Variants in SLC12A8 observed in about 807,000 individuals in gnomAD.
SLC12A8 encodes cation-chloride cotransporter 9.
Under a neutral mutation model 75.6 loss-of-function variants are expected in SLC12A8, and 69 were observed. That is an observed-to-expected ratio of 0.91 (90% CI 0.75 to 1.11). The LOEUF (loss-of-function observed/expected upper bound fraction) is 1.11. SLC12A8 is among the 50% of genes most tolerant of loss of function. SLC12A8 has a pLI of 0.00. For missense variants in SLC12A8, 877 were observed against 896.7 expected, an observed-to-expected ratio of 0.98 and a Z score of 0.28; for synonymous variants, 365 against 372.8, an observed-to-expected ratio of 0.98 and a Z score of 0.24.
At chr3:125,199,463 C>T (rs1270646104) in intron 2 of SLC12A8, among the ~76,000 whole-genome samples, 1 of 151,976 alleles carries the variant, frequency 6.6e-6, no homozygotes, top group Non-Finnish European at 1.5e-5. Context: ...GATGGTAGGC[C>T]TGGGGCAGTG....
chr3:125,114,169 C>T (rs1939251385), intron 8 of SLC12A8, among the ~76,000 whole-genome samples: 1 of 152,134 alleles, frequency 6.6e-6, no homozygotes, highest in Non-Finnish European at 1.5e-5. Flanking sequence ...AGCCATTTTC[C>T]ATAATGAGAC....
chr3:125,186,168 T>A (rs895314512), intron 4 of SLC12A8, among the ~76,000 whole-genome samples: 55 of 148,000 alleles, frequency 3.7e-4, no homozygotes, highest in African/African-American at 1.2e-3. Context: ...AAAAAAAAAA[T>A]TTATATACCA....
At position 125,193,606 on chromosome 3, in the gene SLC12A8, G is replaced by C. The variant is rs1485104015; in HGVS notation, c.52-3085C>G. 2.6e-5 allele frequency among the ~76,000 whole-genome samples: 4 copies of C among 152,198 alleles called. No homozygotes were observed. In the Middle Eastern group the frequency reaches 9.5e-3, roughly 361 times the overall value. Reference sequence around the variant, plus strand: ...CTGACAGGCTGAGGGGCAGGACCACGGTCTGCAGTACGGGCAGACATGTAA... The same window carrying C: ...CTGACAGGCTGAGGGGCAGGACCACCGTCTGCAGTACGGGCAGACATGTAA... On this transcript the variant is annotated intron_variant, in intron 2 of 13. Transcript: ENST00000469902.
intron 2 of SLC12A8, among the ~76,000 whole-genome samples, chr3:125,203,393 A>G (rs1935165524): frequency 6.6e-6 from 1 of 152,244 alleles, no homozygotes; most frequent in Non-Finnish European, 1.5e-5. Context: ...AAACAGACAC[A>G]TAAACCAAAG....
rs372031700 is a variant in SLC12A8, at chr3:125,155,603, C to T, written c.623-19821G>A. ...TGGCTAACACGGTGAAACCCTGTCT[C>T]TACTAAAAATACAAAAAAGTAGCTG... is the stretch of plus-strand genomic sequence containing the variant. On this transcript the variant is annotated intron_variant, in intron 5 of 13. Transcript: ENST00000469902. Among the ~76,000 whole-genome samples the T allele has an allele frequency of 2.1e-4, 9 of 43,002 alleles. No individual in the cohort carries two copies. The East Asian group carries it at 9.6e-3, about 46-fold the overall frequency. The allele number at this position is 43,002 out of a possible 152,430, so 28.2% of individuals were successfully genotyped here. A position where few individuals can be genotyped will look rare whatever the true frequency, so the allele number is the denominator to read the frequency against.
chr3:125,122,519 G>A (rs1384192366), intron 6 of SLC12A8, among the ~76,000 whole-genome samples: 2 of 152,200 alleles, frequency 1.3e-5, no homozygotes, highest in African/African-American at 4.8e-5. Flanking sequence ...TCCCATGAAT[G>A]TCTGGAACAT....
chr3:125,148,959 A>G lies in SLC12A8; in HGVS notation c.623-13177T>C, dbSNP rs78787303. Among the ~76,000 whole-genome samples the G allele has an allele frequency of 1.4e-4, 20 of 144,926 alleles. No homozygotes were observed. In the East Asian group the frequency reaches 4.0e-3, roughly 29 times the overall value. Reference sequence around the variant, plus strand: ...CTGCCACGTGCAGTGAGAGGAACACAAACCAGCAGCGGGGGGGCACAGGCA... The same window carrying G: ...CTGCCACGTGCAGTGAGAGGAACACGAACCAGCAGCGGGGGGGCACAGGCA... On this transcript the variant is annotated intron_variant, in intron 5 of 13. Transcript: ENST00000469902.
intron 2 of SLC12A8, 150 bp from the exon 3 acceptor site, chr3:125,190,671 ATG>A: frequency 1.3e-6 from 1 of 788,612 alleles, no homozygotes; most frequent in Non-Finnish European, 2.1e-6. Context: ...GTATACACAC[ATG>A]CATGCACATA....
intron 7 of SLC12A8, chr3:125,119,061 ATTGTT>A (rs984971532): frequency 8.6e-6 from 4 of 467,520 alleles, no homozygotes; most frequent in Non-Finnish European, 1.6e-5. Flanking sequence ...AAGGGGTACC[ATTGTT>A]TTGTTTCTTT....
chr3:125,152,859 G>A (rs778175521), intron 5 of SLC12A8, among the ~76,000 whole-genome samples: 5 of 152,094 alleles, frequency 3.3e-5, no homozygotes, highest in Admixed American at 1.3e-4. Flanking sequence ...TGTTTCATGA[G>A]GGCAGGGACC....
At chr3:125,121,029 C>T in intron 6 of SLC12A8, 1 of 613,804 alleles carries the variant, frequency 1.6e-6, no homozygotes, top group Non-Finnish European at 2.9e-6. Context: ...GGGACAATGC[C>T]CTGGAGAGGC....
Position 125,187,313 on chromosome 3 carries a change from C to G in SLC12A8, c.314G>C (p.Gly105Ala), listed in dbSNP as rs1181134006. The G allele has an allele frequency of 1.2e-6, 2 of 1,614,074 alleles. No individual in the cohort carries two copies. The highest frequency in any genetic ancestry group is 2.7e-5 in the African/African-American group (2 of 74,936). The change falls in exon 4 of 14, where the codon GGC becomes GCC. Residue 105 changes from glycine to alanine, a missense_variant. By Grantham distance (60) the Gly-to-Ala change is moderately conservative. Transcript: ENST00000469902. ...GACCGAGGAGATCATGGAGTAGACGCCACCGCTGCCGATGCTGCTGCGCTC... is the reference window on the plus strand; with the variant it reads ...GACCGAGGAGATCATGGAGTAGACGGCACCGCTGCCGATGCTGCTGCGCTC... ...VGERSSIGSG[G>A]VYSMISSVLG... is the part of the protein sequence containing the mutation.
rs1261681290 is a variant in SLC12A8 at position 125,088,389 on chromosome 3, C to T, written c.1922-19G>A. The T allele has an allele frequency of 1.9e-6, 3 of 1,613,772 alleles. No homozygotes were observed. Among genetic ancestry groups the T allele is most frequent in the East Asian group, 2.2e-5 (1 of 44,884 alleles). On this transcript the variant is annotated intron_variant, in intron 12 of 13. Transcript: ENST00000469902. ...GCTGATCCTGCAGGGAAGACATATA[C>T]ATAACCATTTTTGAAGGTTCTACAT...
At chr3:125,135,193 A>G (rs376925716) in intron 6 of SLC12A8, among the ~76,000 whole-genome samples, 327 of 152,306 alleles carry the variant, frequency 2.1e-3, no homozygotes, top group African/African-American at 7.5e-3. Flanking sequence ...ACAAAAGACA[A>G]TAGTGTTTCT....
chr3:125,185,683 C>A (rs779257406), intron 4 of SLC12A8, among the ~76,000 whole-genome samples: 13 of 152,124 alleles, frequency 8.5e-5, no homozygotes, highest in Non-Finnish European at 1.5e-4. Flanking sequence ...GACCAATATC[C>A]CTCATGAATA....
chr3:125,143,746 AC>A (rs1399372969), intron 5 of SLC12A8, among the ~76,000 whole-genome samples: 1 of 151,848 alleles, frequency 6.6e-6, no homozygotes, highest in Non-Finnish European at 1.5e-5. Flanking sequence ...AGTGGGAAGG[AC>A]CCCCAGGGCT....
chr3:125,165,827 G>T (rs1424289969), intron 5 of SLC12A8, among the ~76,000 whole-genome samples: 1 of 152,210 alleles, frequency 6.6e-6, no homozygotes, highest in Non-Finnish European at 1.5e-5. Context: ...CAGGCCAGCT[G>T]CGAGGCCCAG....
chr3:125,120,083 G>C (rs12490367), intron 7 of SLC12A8, among the ~76,000 whole-genome samples: 22,248 of 152,112 alleles, frequency 0.15, 1,745 homozygotes, highest in Non-Finnish European at 0.15. Context: ...TTCTCTCCCC[G>C]CCGCAATCTA....
At chr3:125,168,512 G>C (rs921075888) in intron 5 of SLC12A8, among the ~76,000 whole-genome samples, 2 of 152,200 alleles carry the variant, frequency 1.3e-5, no homozygotes, top group African/African-American at 4.8e-5. Context: ...GTTTATTTCT[G>C]AGGAAAAAGG....
Sources: allele counts gnomAD v4.1 joint callset (sites outside exome capture counted in the v4.1 genomes callset), GRCh38; gene constraint gnomAD v4.1.1; transcripts MANE v1.5; gene names NCBI Gene and HGNC (gene_info 2026-07-23, HGNC 2026-07-21).